Variants in REXO5 observed in about 807,000 individuals in gnomAD.
REXO5 encodes the protein exonuclease NEF-sp.
Under a neutral mutation model 88.5 loss-of-function variants are expected in REXO5, and 48 were observed. That is an observed-to-expected ratio of 0.54 (90% CI 0.43 to 0.69). The LOEUF (loss-of-function observed/expected upper bound fraction) is 0.69. REXO5 is among the 30% of genes least tolerant of loss of function. REXO5 has a pLI of 0.00. For missense variants in REXO5, 749 were observed against 912.2 expected, an observed-to-expected ratio of 0.82 and a Z score of 2.30; for synonymous variants, 311 against 336.5, an observed-to-expected ratio of 0.92 and a Z score of 0.83.
intron 5 of REXO5, 21 bp from the exon 6 acceptor site, chr16:20,821,741 G>T: frequency 6.4e-7 from 1 of 1,555,664 alleles, no homozygotes; most frequent in Non-Finnish European, 8.6e-7. Flanking sequence ...TCTAATATAC[G>T]TTCAATTGTT....
intron 19 of REXO5, 136 bp from the exon 20 acceptor site, chr16:20,849,263 G>C: frequency 2.8e-6 from 2 of 723,236 alleles, no homozygotes; most frequent in Non-Finnish European, 4.6e-6. Context: ...TCAGCAGGCA[G>C]CTTTCCATAA....
At chr16:20,842,310 G>A (rs978830431) in intron 15 of REXO5, among the ~76,000 whole-genome samples, 1 of 150,946 alleles carries the variant, frequency 6.6e-6, no homozygotes, top group Admixed American at 6.6e-5. Flanking sequence ...GTCCTTTTGT[G>A]TCTGGTTTAT....
intron 3 of REXO5, 64 bp from the exon 4 acceptor site, chr16:20,814,863 T>A: frequency 6.7e-7 from 1 of 1,486,102 alleles, no homozygotes; most frequent in Non-Finnish European, 9.0e-7. Flanking sequence ...CTATTTCCCC[T>A]CTATATGACT....
Position 20,816,225 on chromosome 16 carries a change from T to A in REXO5, c.475+13T>A. On this transcript the variant is annotated intron_variant, in intron 5 of 19. Coordinates refer to ENST00000261377, the MANE Select transcript of REXO5 (RefSeq NM_030941.3). ...AAGACAATGGAAGGTATAGCTATGA[T>A]GCTGGTTTGATGCTTTGCTCACTCT... 6.3e-7 allele frequency: 1 copy of A among 1,594,714 alleles called. No individual in the cohort carries two copies. Among genetic ancestry groups the A allele is most frequent in the Non-Finnish European group, 8.6e-7 (1 of 1,163,452 alleles).
At chr16:20,810,629 C>T (rs760817124) in intron 2 of REXO5, among the ~76,000 whole-genome samples, 2 of 152,198 alleles carry the variant, frequency 1.3e-5, no homozygotes, top group Non-Finnish European at 2.9e-5. Flanking sequence ...TTCATGACCT[C>T]AAGTGATCTG....
intron 4 of REXO5, 131 bp downstream of exon 4, chr16:20,815,184 C>T: frequency 2.4e-6 from 2 of 826,468 alleles, no homozygotes; most frequent in South Asian, 2.3e-5. Context: ...GCAAAAAGAC[C>T]TTAGAGGCCT....
chr16:20,847,300 G>A, intron 19 of REXO5, among the ~76,000 whole-genome samples: 1 of 151,824 alleles, frequency 6.6e-6, no homozygotes, highest in Non-Finnish European at 1.5e-5. Flanking sequence ...GCCAGGTTTG[G>A]TGTTGTGTGC....
chr16:20,819,323 A>G (rs1332148973), intron 5 of REXO5, among the ~76,000 whole-genome samples: 1 of 152,032 alleles, frequency 6.6e-6, no homozygotes, highest in Non-Finnish European at 1.5e-5. Flanking sequence ...TTTTTTGGCC[A>G]GAATTATTGT....
Position 20,807,054 on chromosome 16 carries a change from C to T in REXO5, c.101C>T (p.Ala34Val), listed in dbSNP as rs2152497480. Reference sequence around the variant, plus strand: ...GTCGGGGCAGCTGAGGCGATGAAAGCCGGTTGGGATCTCGAGGAGAGTCAG... The same window carrying T: ...GTCGGGGCAGCTGAGGCGATGAAAGTCGGTTGGGATCTCGAGGAGAGTCAG... ...KLVGAAEAMK[A>V]GWDLEESQPE... The change falls in exon 2 of 20, where the codon GCC (alanine) becomes GTC (valine). Residue 34 changes from alanine to valine, a missense_variant. Coordinates refer to ENST00000261377, the MANE Select transcript of REXO5 (RefSeq NM_030941.3). 1.2e-6 allele frequency: 2 copies of T among 1,604,954 alleles called. No homozygotes were observed. Among genetic ancestry groups the T allele is most frequent in the Non-Finnish European group, 8.5e-7 (1 of 1,176,596 alleles).
chr16:20,836,778 A>G (rs994636180), intron 13 of REXO5, among the ~76,000 whole-genome samples: 3 of 152,200 alleles, frequency 2.0e-5, no homozygotes, highest in Non-Finnish European at 2.9e-5. Context: ...CATTCTTTTC[A>G]GCATTTGATG....
rs148045327 is a variant in REXO5 at position 20,842,565 on chromosome 16, C to T, written c.1627-1369C>T. 4.6e-3 allele frequency among the ~76,000 whole-genome samples: 689 copies of T among 151,274 alleles called. 6 individuals are homozygous for T. The highest frequency in any genetic ancestry group is 0.015 in the African/African-American group (637 of 41,210). On this transcript the variant is annotated intron_variant, in intron 15 of 19. Coordinates refer to ENST00000261377, the MANE Select transcript of REXO5 (RefSeq NM_030941.3). ...TCACAACTAACTACAGCCTCAACCT[C>T]CTGGGCTCGAGCAATCCTCCCACCT...
chr16:20,844,190 G>C (rs765901200), intron 16 of REXO5, among the ~76,000 whole-genome samples, 164 bp downstream of exon 16: 2 of 152,220 alleles, frequency 1.3e-5, no homozygotes, highest in Non-Finnish European at 2.9e-5. Flanking sequence ...GGCAGTGATT[G>C]AAGACATAAC....
At chr16:20,844,917 G>A (rs1221127745) in intron 17 of REXO5, 72 bp downstream of exon 17, 3 of 1,551,748 alleles carry the variant, frequency 1.9e-6, no homozygotes, top group Non-Finnish European at 2.7e-6. Context: ...GTCAGAGAAA[G>A]GAAGATTCAC....
chr16:20,827,022 A>G (rs758035892), intron 8 of REXO5, 36 bp from the exon 9 acceptor site: 2 of 1,611,118 alleles, frequency 1.2e-6, no homozygotes, highest in South Asian at 2.2e-5. Context: ...ACTTGTTAAT[A>G]TCCTAGCCTG....
At chr16:20,810,914 C>G (rs1194602929) in intron 2 of REXO5, among the ~76,000 whole-genome samples, 1 of 152,180 alleles carries the variant, frequency 6.6e-6, no homozygotes, top group Non-Finnish European at 1.5e-5. Context: ...CACCATCCCT[C>G]TCAGGTTTAT....
At chr16:20,840,308 A>G (rs998054944) in intron 14 of REXO5, 23 bp from the exon 15 acceptor site, 1 of 1,508,154 alleles carries the variant, frequency 6.6e-7, no homozygotes, top group Non-Finnish European at 9.0e-7. Context: ...TTCCCATACT[A>G]TATTCTGTTG....
chr16:20,819,414 T>A (rs1195485317), intron 5 of REXO5, among the ~76,000 whole-genome samples: 2 of 151,032 alleles, frequency 1.3e-5, no homozygotes, highest in Non-Finnish European at 3.0e-5. Context: ...TTTCCTTTCC[T>A]TTCCTTCCTT....
intron 13 of REXO5, among the ~76,000 whole-genome samples, chr16:20,837,169 A>T (rs2081445150): frequency 6.6e-6 from 1 of 152,106 alleles, no homozygotes; most frequent in African/African-American, 2.4e-5. Flanking sequence ...TTGACTGGGG[A>T]TGGAAATCCT....
chr16:20,840,849 A>C (rs530614565), intron 15 of REXO5, among the ~76,000 whole-genome samples: 1 of 152,176 alleles, frequency 6.6e-6, no homozygotes, highest in Non-Finnish European at 1.5e-5. Context: ...GTCAGTTTTC[A>C]TATGTTGGCT....
Sources: gnomAD v4.1 joint callset for allele counts (sites outside exome capture counted in the v4.1 genomes callset) on GRCh38, gnomAD v4.1.1 for gene constraint, MANE v1.5 for transcripts, NCBI Gene and HGNC (gene_info 2026-07-23, HGNC 2026-07-21) for gene names.